Variants in ALK observed in about 807,000 individuals in gnomAD.
The protein encoded by ALK is ALK receptor tyrosine kinase.
Under a neutral mutation model 163.1 loss-of-function variants are expected in ALK, and 74 were observed. The observed-to-expected ratio is 0.45, with a 90% CI of 0.38 to 0.55. The LOEUF is 0.55. Ranked by LOEUF, ALK falls within the 20% of genes least tolerant of loss-of-function variation. The probability of loss-of-function intolerance (pLI) is 0.00; values close to 1 mark genes in which losing one functional copy is unlikely to be tolerated. For synonymous variants in ALK, 960 were observed against 843.2 expected (o/e 1.14, Z -2.40); for missense variants, 2,063 against 2,105.3 (o/e 0.98, Z 0.39).
intron 3 of ALK, among the ~76,000 whole-genome samples, chr2:29,603,806 T>C (rs947166959): frequency 6.6e-6 from 1 of 152,208 alleles, no homozygotes; most frequent in African/African-American, 2.4e-5. Context: ...AGTTTGAGCT[T>C]ATGATTCCCC....
chr2:29,602,029 C>T (rs1675393027), intron 3 of ALK, among the ~76,000 whole-genome samples: 1 of 152,152 alleles, frequency 6.6e-6, no homozygotes, highest in African/African-American at 2.4e-5. Flanking sequence ...TGCAGATTTA[C>T]TGGGAGGTTA....
At chr2:29,282,933 G>A (rs1237358107) in intron 9 of ALK, among the ~76,000 whole-genome samples, 3 of 152,194 alleles carry the variant, frequency 2.0e-5, no homozygotes, top group Non-Finnish European at 4.4e-5. Context: ...CACAGCAGAT[G>A]GAGACCCATC....
intron 3 of ALK, among the ~76,000 whole-genome samples, chr2:29,616,091 A>G (rs1234041841): frequency 6.6e-6 from 1 of 152,238 alleles, no homozygotes; most frequent in African/African-American, 2.4e-5. Flanking sequence ...ACATCTCTAC[A>G]GCGGACCTCA....
intron 1 of ALK, among the ~76,000 whole-genome samples, chr2:29,880,381 G>A (rs754008391): frequency 6.6e-6 from 1 of 152,182 alleles, no homozygotes; most frequent in Non-Finnish European, 1.5e-5. Context: ...AAGTCGGGGT[G>A]TATCAGAGCC....
intron 4 of ALK, among the ~76,000 whole-genome samples, chr2:29,477,166 G>A (rs1366892780): frequency 6.6e-6 from 1 of 152,078 alleles, no homozygotes; most frequent in East Asian, 1.9e-4. Context: ...GGAGCCAAGA[G>A]ATACTTCCTG....
At chr2:29,713,699 T>G (rs1679170016) in intron 2 of ALK, among the ~76,000 whole-genome samples, 1 of 152,152 alleles carries the variant, frequency 6.6e-6, no homozygotes. Flanking sequence ...CTCCGTAAAA[T>G]GAAAGCACAT....
intron 5 of ALK, 27 bp from the exon 6 acceptor site, chr2:29,328,508 TG>T: frequency 1.2e-6 from 2 of 1,613,902 alleles, no homozygotes; most frequent in Admixed American, 1.7e-5. Flanking sequence ...CACACAACCA[TG>T]GTAAGTTTGC....
chr2:29,648,539 T>C (rs906264297), intron 3 of ALK, among the ~76,000 whole-genome samples: 8 of 152,150 alleles, frequency 5.3e-5, no homozygotes, highest in Non-Finnish European at 8.8e-5. Context: ...CTGGCAATCA[T>C]CATTCTACTG....
chr2:29,820,679 C>T lies in ALK; in HGVS notation c.667+99314G>A, dbSNP rs563551852. 8.5e-5 allele frequency among the ~76,000 whole-genome samples: 13 copies of T among 152,322 alleles called. No individual in the cohort carries two copies. In the South Asian group the frequency reaches 2.7e-3, roughly 32 times the overall value. On this transcript the variant is annotated intron_variant, in intron 1 of 28. Coordinates refer to ENST00000389048, the MANE Select transcript of ALK (RefSeq NM_004304.5). ...GATTCTTGTCTTCTTAGTACACTTA[C>T]AAGACATAGACTCTGGAGCCTGGAA...
At chr2:29,899,670 CA>C in intron 1 of ALK, 1 of 151,928 alleles carries the variant, frequency 6.6e-6, no homozygotes, top group Non-Finnish European at 1.5e-5. Context: ...ACTAAAAATA[CA>C]AAAAATTAGT....
At chr2:29,499,083 G>A (rs1000071428) in intron 4 of ALK, among the ~76,000 whole-genome samples, 1 of 152,172 alleles carries the variant, frequency 6.6e-6, no homozygotes, top group African/African-American at 2.4e-5. Context: ...TGGCCTGCCT[G>A]GCAGTCCTAC....
At chr2:29,847,695 G>GCATT (rs368055798) in intron 1 of ALK, among the ~76,000 whole-genome samples, 12 of 152,026 alleles carry the variant, frequency 7.9e-5, no homozygotes, top group Middle Eastern at 6.8e-3. Flanking sequence ...CCAAAGAATG[G>GCATT]CATTCATTCA....
intron 4 of ALK, among the ~76,000 whole-genome samples, chr2:29,473,470 CT>C (rs1307727769): frequency 1.3e-5 from 2 of 152,108 alleles, no homozygotes; most frequent in Admixed American, 1.3e-4. Flanking sequence ...GAGAAAATAT[CT>C]GCAATATTCA....
chr2:29,372,920 G>A (rs1668671785), intron 5 of ALK, among the ~76,000 whole-genome samples: 6 of 152,178 alleles, frequency 3.9e-5, no homozygotes, highest in Admixed American at 3.9e-4. Context: ...TGGAACCAAT[G>A]TCTAAAGTGA....
At chr2:29,205,967 C>G (rs562295987) in intron 26 of ALK, among the ~76,000 whole-genome samples, 5 of 152,182 alleles carry the variant, frequency 3.3e-5, no homozygotes, top group African/African-American at 1.2e-4. Flanking sequence ...GATGATCTGC[C>G]CAGTTGCCAG....
At chr2:29,716,405 C>T (rs1469802765) in intron 2 of ALK, among the ~76,000 whole-genome samples, 1 of 152,206 alleles carries the variant, frequency 6.6e-6, no homozygotes, top group African/African-American at 2.4e-5. Context: ...ATGGTGTTCA[C>T]CCTAGAGGAG....
chr2:29,365,987 C>T (rs1194607631), intron 5 of ALK, among the ~76,000 whole-genome samples: 1 of 152,030 alleles, frequency 6.6e-6, no homozygotes, highest in Admixed American at 6.5e-5. Context: ...CATTTCCCTC[C>T]ATTTAGAGAG....
intron 4 of ALK, among the ~76,000 whole-genome samples, chr2:29,454,467 T>C (rs964106364): frequency 2.0e-5 from 3 of 152,192 alleles, no homozygotes; most frequent in Non-Finnish European, 4.4e-5. Context: ...TTTTATTTTT[T>C]TCCTAGTAGT....
chr2:29,876,632 C>T (rs559598374), intron 1 of ALK, among the ~76,000 whole-genome samples: 5 of 137,206 alleles, frequency 3.6e-5, no homozygotes, highest in South Asian at 2.4e-4. Flanking sequence ...GTGGTGATGG[C>T]GGTGATGGTG....
Sources: allele counts gnomAD v4.1 joint callset (sites outside exome capture counted in the v4.1 genomes callset), GRCh38; gene constraint gnomAD v4.1.1; transcripts MANE v1.5; gene names NCBI Gene and HGNC (gene_info 2026-07-23, HGNC 2026-07-21).